PAWR: variants seen among roughly 807,000 people sequenced by gnomAD.
PAWR encodes the protein pro-apoptotic WT1 regulator, also known as PRKC apoptosis WT1 regulator protein.
In PAWR, 23 loss-of-function variants were observed where a neutral mutation model predicts 32.0. The ratio of observed to expected loss-of-function variants is 0.72; its 90% CI spans 0.52 to 1.02. The LOEUF (loss-of-function observed/expected upper bound fraction) is 1.02, where lower values mean the gene tolerates loss of function less well. PAWR is among the 50% of genes least tolerant of loss of function. PAWR has a pLI of 0.00. For missense variants in PAWR, 457 were observed against 437.7 expected, an observed-to-expected ratio of 1.04 and a Z score of -0.39; for synonymous variants, 226 against 187.1, an observed-to-expected ratio of 1.21 and a Z score of -1.70.
At chr12:79,673,364 C>T (rs1427260629) in intron 2 of PAWR, among the ~76,000 whole-genome samples, 5 of 152,166 alleles carry the variant, frequency 3.3e-5, no homozygotes, top group South Asian at 4.1e-4. Context: ...CCACCGCGCC[C>T]GGCCCTAAAT....
intron 4 of PAWR, among the ~76,000 whole-genome samples, chr12:79,603,039 C>T (rs577983038): frequency 6.6e-6 from 1 of 151,770 alleles, no homozygotes; most frequent in Non-Finnish European, 1.5e-5. Context: ...TCCAGGAGTT[C>T]AAGACCAGTC....
At chr12:79,623,617 T>A (rs1394030745) in intron 2 of PAWR, among the ~76,000 whole-genome samples, 1 of 140,808 alleles carries the variant, frequency 7.1e-6, no homozygotes, top group African/African-American at 3.2e-5. Context: ...AGTACGTGCA[T>A]GAAAAAAGCT....
chr12:79,611,212 CTT>C (rs1027246092), intron 4 of PAWR, among the ~76,000 whole-genome samples: 5 of 143,496 alleles, frequency 3.5e-5, no homozygotes, highest in African/African-American at 7.6e-5. Context: ...ATATATAAAA[CTT>C]ATAGATATTT....
intron 2 of PAWR, among the ~76,000 whole-genome samples, chr12:79,659,057 G>C (rs1282342380): frequency 6.6e-6 from 1 of 151,986 alleles, no homozygotes; most frequent in Non-Finnish European, 1.5e-5. Flanking sequence ...CAACACTTTG[G>C]GAGGCCAAGG....
chr12:79,622,498 C>T (rs1175915262), intron 2 of PAWR, among the ~76,000 whole-genome samples: 1 of 152,138 alleles, frequency 6.6e-6, no homozygotes, highest in East Asian at 1.9e-4. Context: ...TGATGTTCCT[C>T]ACCCTGTGTC....
intron 3 of PAWR, among the ~76,000 whole-genome samples, chr12:79,613,934 TATA>T (rs1566002454): frequency 7.6e-3 from 30 of 3,970 alleles, no homozygotes; most frequent in African/African-American, 0.016. Context: ...ACCACCATTA[TATA>T]TATATATATA....
rs765297673 is a variant in PAWR, at chr12:79,621,070, A to C, written c.648+6T>G. ...TAGTGACTTCCTGGTATTTTTAAAT[A>C]CTCACCTGTAGCAGATAGGAACTGC... On this transcript the variant is annotated splice_donor_region_variant and intron_variant, in intron 3 of 6. Transcript: ENST00000328827. 1.3e-6 allele frequency: 2 copies of C among 1,584,624 alleles called. No homozygotes were observed. The highest frequency in any genetic ancestry group is 8.6e-7 in the Non-Finnish European group (1 of 1,168,990).
At position 79,672,918 on chromosome 12, in the gene PAWR, A is replaced by G. The variant is rs149763212; in HGVS notation, c.516+16811T>C. On this transcript the variant is annotated intron_variant, in intron 2 of 6. Transcript: ENST00000328827. Reference sequence around the variant, plus strand: ...TCCCAGGCATTTCTTCTCTAAATATACCAATATATATCTCTAAAACAATTC... The same window carrying G: ...TCCCAGGCATTTCTTCTCTAAATATGCCAATATATATCTCTAAAACAATTC... Among the ~76,000 whole-genome samples the G allele has an allele frequency of 4.1e-3, 620 of 152,264 alleles. 11 individuals are homozygous for G. Among genetic ancestry groups the G allele is most frequent in the African/African-American group, 0.014 (588 of 41,552 alleles).
At chr12:79,676,867 T>C (rs1296286184) in intron 2 of PAWR, among the ~76,000 whole-genome samples, 1 of 152,164 alleles carries the variant, frequency 6.6e-6, no homozygotes, top group Non-Finnish European at 1.5e-5. Flanking sequence ...CCTTCAAGAT[T>C]CAGTTCAAAT....
rs75803725 is a variant in PAWR at position 79,630,660 on chromosome 12, C to T, written c.517-9453G>A. 6.5e-3 allele frequency among the ~76,000 whole-genome samples: 992 copies of T among 151,986 alleles called. 11 individuals are homozygous for T. Among genetic ancestry groups the T allele is most frequent in the African/African-American group, 0.02 (812 of 41,464 alleles). ...TGACAAATTCCGTGAAAGACTGAAG[C>T]TACCAAAGTTCAATCAAGCAGGAGT... On this transcript the variant is annotated intron_variant, in intron 2 of 6. Coordinates refer to ENST00000328827, the MANE Select transcript of PAWR (RefSeq NM_002583.4).
chr12:79,605,217 G>T (rs927920274), intron 4 of PAWR, among the ~76,000 whole-genome samples: 2 of 151,678 alleles, frequency 1.3e-5, no homozygotes, highest in Admixed American at 6.6e-5. Flanking sequence ...AATCTATCTC[G>T]TTAAAAATTT....
chr12:79,634,324 T>G (rs1384400924), intron 2 of PAWR, among the ~76,000 whole-genome samples: 1 of 152,112 alleles, frequency 6.6e-6, no homozygotes, highest in Non-Finnish European at 1.5e-5. Flanking sequence ...GTAAAGTGGG[T>G]GTTAGATTTC....
chr12:79,609,861 C>A (rs1874357571), intron 4 of PAWR, among the ~76,000 whole-genome samples: 1 of 152,178 alleles, frequency 6.6e-6, no homozygotes, highest in South Asian at 2.1e-4. Flanking sequence ...AACACTTAAG[C>A]CGTCCATGGA....
intron 2 of PAWR, among the ~76,000 whole-genome samples, chr12:79,659,546 C>T (rs1196657244): frequency 1.3e-5 from 2 of 152,136 alleles, no homozygotes. Flanking sequence ...ATACATTGTC[C>T]GCACCAAGAA....
intron 4 of PAWR, chr12:79,604,782 C>T (rs1322275872): frequency 1.2e-6 from 1 of 827,070 alleles, no homozygotes; most frequent in African/African-American, 1.8e-5. Context: ...AAATCAACTC[C>T]CATTATATTA....
At position 79,594,386 on chromosome 12, in the gene PAWR, C is replaced by T; in HGVS notation, c.879G>A (p.Met293Ile). 1.9e-6 allele frequency: 3 copies of T among 1,568,724 alleles called. No homozygotes were observed. The highest frequency in any genetic ancestry group is 1.2e-5 in the South Asian group (1 of 86,714). The change falls in exon 6 of 7, where the codon ATG becomes ATA. Residue 293 changes from methionine to isoleucine, a missense_variant. Coordinates refer to ENST00000328827, the MANE Select transcript of PAWR (RefSeq NM_002583.4). The stretch of plus-strand genomic sequence containing the variant: ...TTCCAATCATTTCCTCTTTATCTTG[C>T]ATCAGTCTCACAAGTCTTAGGTTTT... ...RQENLRLVRL[M>I]QDKEEMIGKL...
chr12:79,595,701 A>G (rs1873725016), intron 5 of PAWR, among the ~76,000 whole-genome samples: 1 of 152,018 alleles, frequency 6.6e-6, no homozygotes, highest in African/African-American at 2.4e-5. Flanking sequence ...ACAAAAAAAG[A>G]ATTAGCCGGG....
At chr12:79,599,027 G>A (rs527840398) in intron 4 of PAWR, among the ~76,000 whole-genome samples, 13 of 152,156 alleles carry the variant, frequency 8.5e-5, no homozygotes, top group Non-Finnish European at 1.0e-4. Flanking sequence ...GAGCCACTGC[G>A]CCCGGCCAAC....
intron 2 of PAWR, among the ~76,000 whole-genome samples, chr12:79,657,929 T>A (rs987015526): frequency 6.6e-6 from 1 of 152,034 alleles, no homozygotes; most frequent in African/African-American, 2.4e-5. Context: ...ATGGCGTCAT[T>A]GAAGCAAAGG....
Sources: allele counts gnomAD v4.1 joint callset (sites outside exome capture counted in the v4.1 genomes callset), GRCh38; gene constraint gnomAD v4.1.1; transcripts MANE v1.5; gene names NCBI Gene and HGNC (gene_info 2026-07-23, HGNC 2026-07-21).